The following GRM8 variants were observed in gnomAD, a reference collection of about 807,000 sequenced individuals.
GRM8 encodes metabotropic glutamate receptor 8.
GRM8 carries 47 observed loss-of-function variants against 87.2 expected under a neutral mutation model. That is an observed-to-expected ratio of 0.54 (90% CI 0.43 to 0.69). The LOEUF (loss-of-function observed/expected upper bound fraction) is 0.69. Ranked by LOEUF, GRM8 falls within the 30% of genes least tolerant of loss-of-function variation. GRM8 has a pLI of 0.00. For synonymous variants in GRM8, 396 were observed against 404.5 expected, an observed-to-expected ratio of 0.98 and a Z score of 0.25; for missense variants, 1,019 against 1,139.2, an observed-to-expected ratio of 0.89 and a Z score of 1.52.
At chr7:126,640,519 T>A (rs1459931119) in intron 7 of GRM8, among the ~76,000 whole-genome samples, 1 of 152,226 alleles carries the variant, frequency 6.6e-6, no homozygotes, top group Non-Finnish European at 1.5e-5. Flanking sequence ...TATATTGATT[T>A]ATGTATAAAA....
intron 7 of GRM8, among the ~76,000 whole-genome samples, chr7:126,720,377 A>T (rs1450296637): frequency 6.6e-6 from 1 of 152,024 alleles, no homozygotes; most frequent in Non-Finnish European, 1.5e-5. Flanking sequence ...CCCAGGCTCA[A>T]GCGATCCTCC....
chr7:127,027,348 G>A (rs1254913007), intron 3 of GRM8, among the ~76,000 whole-genome samples: 1 of 152,144 alleles, frequency 6.6e-6, no homozygotes. Flanking sequence ...GAAATTTAAA[G>A]TAGTTTTTTC....
intron 3 of GRM8, among the ~76,000 whole-genome samples, chr7:127,096,411 C>A (rs751269921): frequency 2.0e-5 from 3 of 151,906 alleles, no homozygotes; most frequent in Non-Finnish European, 4.4e-5. Flanking sequence ...AATACAAAAA[C>A]CAGCCAGGCA....
At chr7:126,964,534 T>C (rs568881911) in intron 3 of GRM8, among the ~76,000 whole-genome samples, 1 of 152,320 alleles carries the variant, frequency 6.6e-6, no homozygotes, top group South Asian at 2.1e-4. Context: ...AAGACATTTA[T>C]GCAGCCAACA....
At chr7:126,744,153 C>T (rs949569979) in intron 7 of GRM8, among the ~76,000 whole-genome samples, 17 of 152,008 alleles carry the variant, frequency 1.1e-4, no homozygotes, top group African/African-American at 3.9e-4. Flanking sequence ...CTGTTCCAGA[C>T]CAAAGCATGA....
intron 2 of GRM8, among the ~76,000 whole-genome samples, chr7:127,204,357 C>T (rs1397403768): frequency 2.0e-5 from 3 of 152,146 alleles, no homozygotes; most frequent in African/African-American, 2.4e-5. Flanking sequence ...GCAGCTTCCC[C>T]GTTCTGCAGC....
chr7:126,904,764 C>G, intron 3 of GRM8, 81 bp from the exon 4 acceptor site: 5 of 1,211,528 alleles, frequency 4.1e-6, no homozygotes. Flanking sequence ...TTTATAAAAG[C>G]ACATACTTCT....
At chr7:126,827,900 T>C (rs1794977975) in intron 6 of GRM8, among the ~76,000 whole-genome samples, 1 of 152,244 alleles carries the variant, frequency 6.6e-6, no homozygotes, top group Admixed American at 6.5e-5. Context: ...ATACCTAATT[T>C]ATTGAGAATT....
intron 6 of GRM8, among the ~76,000 whole-genome samples, chr7:126,773,981 C>T (rs1005851202): frequency 6.6e-6 from 1 of 152,090 alleles, no homozygotes; most frequent in Non-Finnish European, 1.5e-5. Flanking sequence ...ATTATTTTGA[C>T]TGTTGATTAA....
At chr7:127,036,779 T>C (rs770836600) in intron 3 of GRM8, among the ~76,000 whole-genome samples, 1 of 152,160 alleles carries the variant, frequency 6.6e-6, no homozygotes, top group Non-Finnish European at 1.5e-5. Context: ...GTTTTAGTAC[T>C]AAGGACAGAC....
chr7:127,201,536 C>T (rs891447311), intron 2 of GRM8, among the ~76,000 whole-genome samples: 2 of 152,210 alleles, frequency 1.3e-5, no homozygotes, highest in Non-Finnish European at 2.9e-5. Flanking sequence ...TCAGTGATCT[C>T]ATTAAAGGAT....
chr7:126,986,895 T>C (rs1383289011), intron 3 of GRM8, among the ~76,000 whole-genome samples: 1 of 152,246 alleles, frequency 6.6e-6, no homozygotes, highest in Non-Finnish European at 1.5e-5. Flanking sequence ...CATCAGGCAA[T>C]GTTTCAAGCT....
chr7:127,177,893 T>G (rs189835412), intron 2 of GRM8, among the ~76,000 whole-genome samples: 2 of 151,846 alleles, frequency 1.3e-5, no homozygotes, highest in African/African-American at 2.4e-5. Context: ...GCCACCCAAA[T>G]GAGAAGGAAC....
chr7:126,740,143 CATAA>C (rs1374692337), intron 7 of GRM8, among the ~76,000 whole-genome samples: 2 of 152,028 alleles, frequency 1.3e-5, no homozygotes, highest in Non-Finnish European at 2.9e-5. Flanking sequence ...ACATTTTTCA[CATAA>C]ATAAATGCCA....
chr7:127,067,359 ATTC>A (rs1227690149), intron 3 of GRM8, among the ~76,000 whole-genome samples: 19 of 152,214 alleles, frequency 1.2e-4, no homozygotes, highest in Admixed American at 1.2e-3. Context: ...CAGGTGCCGT[ATTC>A]TTTTTTTAAA....
chr7:126,712,363 C>CA (rs1339222698), intron 7 of GRM8, among the ~76,000 whole-genome samples: 11 of 152,052 alleles, frequency 7.2e-5, no homozygotes, highest in African/African-American at 2.7e-4. Context: ...TATCAAAGAT[C>CA]ACTGATCACA....
chr7:127,163,436 A>G (rs998484987), intron 2 of GRM8, among the ~76,000 whole-genome samples: 1 of 151,998 alleles, frequency 6.6e-6, no homozygotes, highest in Non-Finnish European at 1.5e-5. Context: ...TACAAATACA[A>G]CCTCCATGGG....
chr7:126,629,943 AATT>A (rs1352983327), intron 7 of GRM8, among the ~76,000 whole-genome samples: 2 of 152,188 alleles, frequency 1.3e-5, no homozygotes, highest in Non-Finnish European at 2.9e-5. Context: ...TGAAAACAAT[AATT>A]ATTAGTTAAT....
intron 3 of GRM8, among the ~76,000 whole-genome samples, chr7:126,997,516 G>A (rs1405487734): frequency 1.5e-5 from 2 of 129,246 alleles, no homozygotes; most frequent in African/African-American, 2.8e-5. Flanking sequence ...TTAAAGATAA[G>A]CAAAATTGGC....
Sources: gnomAD v4.1 joint callset for allele counts (sites outside exome capture counted in the v4.1 genomes callset) on GRCh38, gnomAD v4.1.1 for gene constraint, MANE v1.5 for transcripts, NCBI Gene and HGNC (gene_info 2026-07-23, HGNC 2026-07-21) for gene names.